HIVEP2: variants seen among roughly 807,000 people sequenced by gnomAD.
HIVEP2 encodes the protein transcription factor HIVEP2.
Under a neutral mutation model 180.7 loss-of-function variants are expected in HIVEP2, and 14 were observed. The observed-to-expected ratio is 0.08, with a 90% CI of 0.05 to 0.12. The LOEUF is 0.12. HIVEP2 is among the 10% of genes least tolerant of loss of function. The pLI is 1.00. For missense variants in HIVEP2, 2,579 were observed against 3,008.5 expected, an observed-to-expected ratio of 0.86 and a Z score of 3.34; for synonymous variants, 1,184 against 1,136.4, an observed-to-expected ratio of 1.04 and a Z score of -0.84.
At chr6:142,895,771 T>C (rs1360035234) in intron 1 of HIVEP2, among the ~76,000 whole-genome samples, 1 of 152,184 alleles carries the variant, frequency 6.6e-6, no homozygotes, top group African/African-American at 2.4e-5. Flanking sequence ...GAAACACAAC[T>C]AGAGAATAGA....
At position 142,902,986 on chromosome 6, in the gene HIVEP2, C is replaced by T. The variant is rs79005612; in HGVS notation, c.-641+42113G>A. ...AAATATCTCAACGCTGAACTACTAA[C>T]GCTACTTTGGAACTCCTAACAGTGT... On this transcript the variant is annotated intron_variant, in intron 1 of 9. Coordinates refer to ENST00000367603, the MANE Select transcript of HIVEP2 (RefSeq NM_006734.4). 3.3e-4 allele frequency among the ~76,000 whole-genome samples: 51 copies of T among 152,268 alleles called. 1 individual carries two copies. The East Asian group carries it at 8.7e-3, about 26-fold the overall frequency.
At chr6:142,868,998 C>G (rs1776215508) in intron 1 of HIVEP2, among the ~76,000 whole-genome samples, 1 of 152,058 alleles carries the variant, frequency 6.6e-6, no homozygotes, top group Non-Finnish European at 1.5e-5. Context: ...GTTGAAAATC[C>G]TAGATCAGTG....
chr6:142,904,830 C>G (rs979861090), intron 1 of HIVEP2, among the ~76,000 whole-genome samples: 7 of 152,098 alleles, frequency 4.6e-5, no homozygotes, highest in African/African-American at 1.7e-4. Flanking sequence ...AGTCTTTCTA[C>G]TTGTATCAGT....
intron 5 of HIVEP2, 68 bp downstream of exon 5, chr6:142,769,484 T>C: frequency 1.5e-6 from 2 of 1,363,570 alleles, no homozygotes; most frequent in East Asian, 4.6e-5. Context: ...CCTTATATCC[T>C]TCACTATGTA....
chr6:142,818,692 CAAGAAAGA>C (rs145421215), intron 2 of HIVEP2, among the ~76,000 whole-genome samples: 27,263 of 50,986 alleles, frequency 0.53, 10,049 homozygotes, highest in South Asian at 0.67. Flanking sequence ...GAGAGAGAGA[CAAGAAAGA>C]AAGAAAGAAA....
chr6:142,753,856 C>T lies in HIVEP2; in HGVS notation c.6592G>A (p.Gly2198Ser). ...GDQEGAYEHP[G>S]SSLFPEGPND... ...GGACCCTCAGGGAAAAGGCTGGAGC[C>T]TGGATGTTCATAAGCACCTTCTTGG... The change falls in exon 10 of 10, where the codon GGC becomes AGC. Residue 2198 changes from glycine (G) to serine (S), a missense_variant. Around this residue, in one of 11 missense-constraint regions of HIVEP2, gnomAD observed 660 missense variants for 731.7 expected, o/e 0.90. Coordinates refer to ENST00000367603, the MANE Select transcript of HIVEP2 (RefSeq NM_006734.4). 1 of 1,613,806 alleles carries T rather than the reference C, an allele frequency of 6.2e-7. No homozygotes were observed. The highest frequency in any genetic ancestry group is 1.1e-5 in the South Asian group (1 of 91,066).
rs1397487582 is a variant in HIVEP2 at position 142,774,613 on chromosome 6, A to G, written c.126T>C (p.His42=). 3.7e-6 allele frequency: 6 copies of G among 1,614,060 alleles called. No individual in the cohort carries two copies. The highest frequency in any genetic ancestry group is 3.3e-5 in the South Asian group (3 of 91,084). Residue 42 remains histidine (H), a synonymous_variant, in exon 5 of 10, where the codon CAT becomes CAC. Transcript: ENST00000367603. The surrounding 1 kb of genome is among the most constrained non-coding windows in gnomAD (Gnocchi z 5.1). The part of the protein sequence containing the change: ...AVIKMSTFGS[H]EGQRQPQIEP... ...CTATTTGTGGTTGCCGCTGTCCTTC[A>G]TGACTGCCAAAAGTGCTCATCTTAA...
At chr6:142,887,098 A>G (rs548819163) in intron 1 of HIVEP2, among the ~76,000 whole-genome samples, 9 of 152,294 alleles carry the variant, frequency 5.9e-5, no homozygotes, top group African/African-American at 1.9e-4. Context: ...GTGTACCTCC[A>G]TCATCCCACT....
Position 142,760,096 on chromosome 6 carries a change from C to T in HIVEP2, c.6192G>A (p.Leu2064=). The change falls in exon 9 of 10, where the codon CTG becomes CTA. Residue 2064 remains leucine, a synonymous_variant. Transcript: ENST00000367603. ...PCRDNSPKRY[L]IPKGDLSPRR... is the part of the protein sequence containing the mutation. ...TGGGAGATAAATCTCCTTTGGGTAT[C>T]AGATACCTCTTTGGTGAATTATCTC... 1 of 1,614,100 alleles carries T rather than the reference C, an allele frequency of 6.2e-7. No homozygotes were observed. Among genetic ancestry groups the T allele is most frequent in the Non-Finnish European group, 8.5e-7 (1 of 1,179,976 alleles).
intron 2 of HIVEP2, among the ~76,000 whole-genome samples, chr6:142,825,269 C>T (rs1774852477): frequency 2.1e-5 from 3 of 144,294 alleles, no homozygotes; most frequent in Non-Finnish European, 4.5e-5. Flanking sequence ...GTTTTGCAGA[C>T]ACATACTAAA....
At chr6:142,794,998 T>C (rs1776248778) in intron 2 of HIVEP2, among the ~76,000 whole-genome samples, 1 of 152,194 alleles carries the variant, frequency 6.6e-6, no homozygotes, top group Admixed American at 6.5e-5. Context: ...TCTAATTTGA[T>C]CTTTCTCCTC....
intron 2 of HIVEP2, among the ~76,000 whole-genome samples, chr6:142,833,463 G>A (rs961297136): frequency 1.3e-5 from 2 of 152,108 alleles, no homozygotes; most frequent in African/African-American, 4.8e-5. Flanking sequence ...ATAGACAGAA[G>A]GAAATACTAT....
At chr6:142,805,765 A>C (rs1295995068) in intron 2 of HIVEP2, among the ~76,000 whole-genome samples, 1 of 152,080 alleles carries the variant, frequency 6.6e-6, no homozygotes, top group African/African-American at 2.4e-5. Context: ...GCCACCTACC[A>C]AGGGCCTAAT....
chr6:142,839,067 T>G (rs1775297134), intron 1 of HIVEP2, among the ~76,000 whole-genome samples: 2 of 152,086 alleles, frequency 1.3e-5, no homozygotes, highest in Admixed American at 1.3e-4. Flanking sequence ...AAGTACAAAA[T>G]ATATTAGTCA....
intron 5 of HIVEP2, among the ~76,000 whole-genome samples, chr6:142,769,246 G>A (rs1206787691): frequency 1.3e-5 from 2 of 152,116 alleles, no homozygotes; most frequent in Non-Finnish European, 2.9e-5. Context: ...ACTCACAAAG[G>A]TCAGAAGGAA....
chr6:142,796,921 T>C (rs1191654668), intron 2 of HIVEP2, among the ~76,000 whole-genome samples: 1 of 152,186 alleles, frequency 6.6e-6, no homozygotes, highest in Non-Finnish European at 1.5e-5. Flanking sequence ...ACAGAATTAT[T>C]ACGGTAGTAC....
In HIVEP2 at chr6:142,877,189, A is replaced by T. The variant is rs368609532; in HGVS notation, c.-640-40142T>A. ...ATTGTTAATGCTTTGAACAACATATAAACTAGTCTTATTGGCCATCTTCAC... is the reference window on the plus strand; with the variant it reads ...ATTGTTAATGCTTTGAACAACATATTAACTAGTCTTATTGGCCATCTTCAC... On this transcript the variant is annotated intron_variant, in intron 1 of 9. Transcript: ENST00000367603. 9.8e-4 allele frequency among the ~76,000 whole-genome samples: 150 copies of T among 152,326 alleles called. 2 individuals are homozygous for T. The South Asian group carries it at 0.03, about 31-fold the overall frequency.
chr6:142,887,910 T>A (rs1478214009), intron 1 of HIVEP2, among the ~76,000 whole-genome samples: 1 of 150,382 alleles, frequency 6.6e-6, no homozygotes, highest in Non-Finnish European at 1.5e-5. Context: ...TATTTAATTA[T>A]CTGGAAAGAA....
intron 2 of HIVEP2, among the ~76,000 whole-genome samples, chr6:142,787,647 C>CG (rs1247999117): frequency 1.3e-5 from 2 of 150,998 alleles, no homozygotes; most frequent in Non-Finnish European, 2.9e-5. Flanking sequence ...GAAGAGGCTG[C>CG]GAAGGACTAG....
Sources: gnomAD v4.1 joint callset for allele counts (sites outside exome capture counted in the v4.1 genomes callset) on GRCh38, gnomAD v4.1.1 for gene constraint, gnomAD v4.1.1 regional missense constraint, Gnocchi (gnomAD v3.1) non-coding constraint, MANE v1.5 for transcripts, NCBI Gene and HGNC (gene_info 2026-07-23, HGNC 2026-07-21) for gene names.